Variants in ARAP1 observed in about 807,000 individuals in gnomAD.
The protein encoded by ARAP1 is arf-GAP with Rho-GAP domain, ANK repeat and PH domain-containing protein 1.
A neutral mutation model predicts 172.2 loss-of-function variants in ARAP1; 76 were observed. The observed-to-expected ratio is 0.44, with a 90% CI of 0.37 to 0.53. ARAP1 has a LOEUF of 0.53. ARAP1 is among the 20% of genes least tolerant of loss of function. ARAP1 has a pLI of 0.00. For synonymous variants in ARAP1, 804 were observed against 803.3 expected (o/e 1.00, Z -0.01); for missense variants, 1,686 against 1,977.5 (o/e 0.85, Z 2.80).
chr11:72,707,089 G>C, intron 12 of ARAP1, 86 bp downstream of exon 12: 1 of 1,367,498 alleles, frequency 7.3e-7, no homozygotes, highest in Non-Finnish European at 9.8e-7. Flanking sequence ...CTCCGCTCCA[G>C]GCCCTCCTCC....
At chr11:72,691,747 C>CCGGG (rs915591871) in intron 30 of ARAP1, among the ~76,000 whole-genome samples, 2 of 152,110 alleles carry the variant, frequency 1.3e-5, no homozygotes, top group African/African-American at 4.8e-5. Flanking sequence ...GGCTAGACCA[C>CCGGG]CAGGCTTGGA....
At chr11:72,722,237 G>A (rs1857549509) in intron 3 of ARAP1, 5 of 985,346 alleles carry the variant, frequency 5.1e-6, no homozygotes, top group Non-Finnish European at 6.0e-6. Flanking sequence ...CTGTGTGTAT[G>A]TGTGTGTGTA....
chr11:72,742,479 C>T (rs1329621227), intron 1 of ARAP1, among the ~76,000 whole-genome samples: 1 of 152,084 alleles, frequency 6.6e-6, no homozygotes, highest in Admixed American at 6.6e-5. Context: ...TATCAAGGGT[C>T]CTCTCAAGGG....
chr11:72,715,797 A>AG (rs1271039415), intron 3 of ARAP1, among the ~76,000 whole-genome samples: 2 of 151,890 alleles, frequency 1.3e-5, no homozygotes, highest in Admixed American at 1.3e-4. Context: ...GGCTTCCCAA[A>AG]GCAATCCTTT....
chr11:72,735,460 G>A (rs12295122), intron 1 of ARAP1, among the ~76,000 whole-genome samples: 21,881 of 151,906 alleles, frequency 0.14, 2,043 homozygotes, highest in African/African-American at 0.26. Context: ...GCTGGGCATG[G>A]TGGTGGGTGC....
At chr11:72,685,845 C>T in intron 34 of ARAP1, 164 bp from the exon 35 acceptor site, 1 of 1,341,232 alleles carries the variant, frequency 7.5e-7, no homozygotes, top group East Asian at 2.4e-5. Flanking sequence ...GGACTCCCAG[C>T]TTCCAGGGCC....
Position 72,727,112 on chromosome 11 carries a change from TC to T in ARAP1, c.16del (p.Asp6MetfsTer41). ...CCACTCGGCCACCGATAGCGCAGCATCCCCAGCCTCTGCCATGGTTCCTGCC... is the reference window on the plus strand; with the variant it reads ...CCACTCGGCCACCGATAGCGCAGCATCCCAGCCTCTGCCATGGTTCCTGCC... MAEAGDAALSVAEWLR... is the reference protein window; with the variant it reads MAEAGXAALSVAEWLR... On this transcript the variant is annotated frameshift_variant, in exon 3 of 35. Coordinates refer to ENST00000393609, the MANE Select transcript of ARAP1 (RefSeq NM_001040118.3). LOFTEE classifies it high-confidence loss of function. 1 of 1,588,186 alleles carries T rather than the reference TC, an allele frequency of 6.3e-7. No homozygotes were observed.
Position 72,729,833 on chromosome 11 carries a change from TG to T in ARAP1, c.-44-2662del, listed in dbSNP as rs559672832. Among the ~76,000 whole-genome samples the T allele has an allele frequency of 4.4e-3, 667 of 151,444 alleles. 4 individuals carry two copies. Among genetic ancestry groups the T allele is most frequent in the African/African-American group, 0.016 (644 of 41,198 alleles). On this transcript the variant is annotated intron_variant, in intron 2 of 34. Coordinates refer to ENST00000393609, the MANE Select transcript of ARAP1 (RefSeq NM_001040118.3). ...GTGAGGATGAGGTGGGAGAATTGCT[TG>T]AGCCTAGGAGTTCAAGGCTGCAGTG...
chr11:72,704,145 C>A lies in ARAP1; in HGVS notation c.1992+7G>T. On this transcript the variant is annotated splice_region_variant and intron_variant, in intron 14 of 34. Transcript: ENST00000393609. ...CCCAAGGGGCCCCAGAGCTGCAGTG[C>A]CCTGACCTTGTCCAGCTCCTCCTGG... 2 of 1,614,100 alleles carry A rather than the reference C, an allele frequency of 1.2e-6. No homozygotes were observed. Among genetic ancestry groups the A allele is most frequent in the Non-Finnish European group, 8.5e-7 (1 of 1,179,990 alleles).
At chr11:72,704,046 A>G (rs2135524158) in intron 14 of ARAP1, 106 bp downstream of exon 14, 1 of 1,417,876 alleles carries the variant, frequency 7.1e-7, no homozygotes, top group East Asian at 2.3e-5. Flanking sequence ...ATATGCCAAG[A>G]CATCTCCCTG....
chr11:72,747,887 G>A (rs143666447), intron 1 of ARAP1, among the ~76,000 whole-genome samples: 3 of 152,338 alleles, frequency 2.0e-5, no homozygotes, highest in East Asian at 3.9e-4. Flanking sequence ...CACCTGACCA[G>A]GTGGCCCTCT....
rs3765105 is a variant in ARAP1 at position 72,703,144 on chromosome 11, G to A, written c.1993-65C>T. The stretch of plus-strand genomic sequence containing the variant: ...GGGGGCCCACAAGGAAAGGGGCTAC[G>A]GGGGAGGAGAGGAAAGAAAAGGAAG... On this transcript the variant is annotated intron_variant, in intron 14 of 34. Coordinates refer to ENST00000393609, the MANE Select transcript of ARAP1 (RefSeq NM_001040118.3). 683,733 of 1,435,248 alleles carry A rather than the reference G, an allele frequency of 0.48. 163,773 individuals are homozygous for A. The highest frequency in any genetic ancestry group is 0.49 in the South Asian group (33,824 of 69,684). 88.9% of individuals were successfully genotyped at this position (1,435,248 alleles called of 1,614,324 possible).
At chr11:72,727,508 G>A (rs1857730031) in intron 2 of ARAP1, among the ~76,000 whole-genome samples, 1 of 152,202 alleles carries the variant, frequency 6.6e-6, no homozygotes, top group Non-Finnish European at 1.5e-5. Context: ...CCAGTGGCAT[G>A]ATTGGTGCTG....
intron 1 of ARAP1, among the ~76,000 whole-genome samples, chr11:72,738,226 G>A (rs1277469316): frequency 2.6e-5 from 4 of 152,170 alleles, no homozygotes; most frequent in Admixed American, 1.3e-4. Flanking sequence ...TCAGTGGGGT[G>A]GGAACAGAAG....
rs1176439615 is a variant in ARAP1 at position 72,695,521 on chromosome 11, C to T, written c.3507+21G>A. The T allele has an allele frequency of 6.2e-6, 10 of 1,614,156 alleles. No individual in the cohort carries two copies. The highest frequency in any genetic ancestry group is 7.6e-6 in the Non-Finnish European group (9 of 1,180,032). On this transcript the variant is annotated intron_variant, in intron 25 of 34. Coordinates refer to ENST00000393609, the MANE Select transcript of ARAP1 (RefSeq NM_001040118.3). The surrounding 1 kb of genome is among the most constrained non-coding windows in gnomAD (Gnocchi z 4.4). ...GTGCAGGTGGCAGGTCCAAGCCCCC[C>T]ACCCAGGCTCCAGCCTTCACCTGGG...
At chr11:72,731,775 C>G (rs1444166352) in intron 2 of ARAP1, among the ~76,000 whole-genome samples, 3 of 152,200 alleles carry the variant, frequency 2.0e-5, no homozygotes, top group Non-Finnish European at 2.9e-5. Flanking sequence ...GGAAATCCAC[C>G]TCTGAGGAGA....
intron 4 of ARAP1, among the ~76,000 whole-genome samples, chr11:72,713,451 T>C (rs1857125629): frequency 6.6e-6 from 1 of 152,146 alleles, no homozygotes; most frequent in Non-Finnish European, 1.5e-5. Context: ...GAGGAGAAGC[T>C]GGGACACCAC....
At position 72,693,395 on chromosome 11, in the gene ARAP1, G is replaced by A. The variant is rs1186350488; in HGVS notation, c.3884C>T (p.Pro1295Leu). ...GTAGCGATCGTGGAAGCCACCTGAG[G>A]GCAGGCCCAGGCCCAGGAGGCTGCG... ...EDRSLLGLGL[P>L]SGGFHDRYFI... is the part of the protein sequence containing the mutation. Residue 1295 changes from proline (P) to leucine (L), a missense_variant, in exon 29 of 35, where the codon CCC becomes CTC. Physicochemically the swap from Pro to Leu is moderately conservative, Grantham distance 98 (BLOSUM62 -3). Coordinates refer to ENST00000393609, the MANE Select transcript of ARAP1 (RefSeq NM_001040118.3). The surrounding 1 kb of genome is among the most constrained non-coding windows in gnomAD (Gnocchi z 4.6). 1 of 1,613,908 alleles carries A rather than the reference G, an allele frequency of 6.2e-7. No individual in the cohort carries two copies. Among genetic ancestry groups the A allele is most frequent in the Non-Finnish European group, 8.5e-7 (1 of 1,179,850 alleles).
intron 30 of ARAP1, 121 bp from the exon 31 acceptor site, chr11:72,688,658 G>A (rs1231842228): frequency 3.7e-6 from 3 of 801,090 alleles, no homozygotes; most frequent in East Asian, 2.7e-5. Flanking sequence ...AGCACAGGGC[G>A]CCTCCTCCAA....
Sources: allele counts gnomAD v4.1 joint callset (sites outside exome capture counted in the v4.1 genomes callset), GRCh38; gene constraint gnomAD v4.1.1; non-coding constraint Gnocchi (gnomAD v3.1); transcripts MANE v1.5; gene names NCBI Gene and HGNC (gene_info 2026-07-23, HGNC 2026-07-21).